The following PLXDC2 variants were observed in gnomAD, a reference collection of about 807,000 sequenced individuals.
PLXDC2 encodes the protein plexin domain containing 2, also known as plexin domain-containing protein 2.
Under a neutral mutation model 68.9 loss-of-function variants are expected in PLXDC2, and 40 were observed. The observed-to-expected ratio is 0.58, with a 90% confidence interval of 0.45 to 0.76. PLXDC2 has a LOEUF of 0.76. PLXDC2 is among the 30% of genes least tolerant of loss of function. PLXDC2 has a pLI of 0.00. For synonymous variants in PLXDC2, 243 were observed against 234.2 expected, an observed-to-expected ratio of 1.04 and a Z score of -0.34; for missense variants, 644 against 661.9, an observed-to-expected ratio of 0.97 and a Z score of 0.30.
At chr10:20,007,067 A>C (rs1835038421) in intron 2 of PLXDC2, among the ~76,000 whole-genome samples, 2 of 152,212 alleles carry the variant, frequency 1.3e-5, no homozygotes. Flanking sequence ...TATTTTGGGA[A>C]TATAAAGGCT....
chr10:20,064,321 T>C (rs1836158719), intron 3 of PLXDC2, among the ~76,000 whole-genome samples: 1 of 151,562 alleles, frequency 6.6e-6, no homozygotes, highest in South Asian at 2.1e-4. Flanking sequence ...CCCGGGTTCA[T>C]GCCATTCTCC....
intron 4 of PLXDC2, among the ~76,000 whole-genome samples, chr10:20,085,626 A>G (rs1388605600): frequency 1.3e-5 from 2 of 152,174 alleles, no homozygotes; most frequent in African/African-American, 4.8e-5. Flanking sequence ...TTGGGGAGAC[A>G]TGGGAAAGTG....
rs75509336 is a variant in PLXDC2 at position 20,251,551 on chromosome 10, A to G, written c.1473+6046A>G. ...TAATATATTTTATTGTTTCATGAAC[A>G]TAGGTCACGGAGATAAATGTTTACA... On this transcript the variant is annotated intron_variant, in intron 13 of 13. Transcript: ENST00000377252. Among the ~76,000 whole-genome samples the G allele has an allele frequency of 9.3e-3, 1,423 of 152,262 alleles. 19 individuals are homozygous for G. The highest frequency in any genetic ancestry group is 0.032 in the African/African-American group (1,327 of 41,570).
Position 20,198,419 on chromosome 10 carries a change from T to C in PLXDC2, c.1062-13250T>C, listed in dbSNP as rs115754359. On this transcript the variant is annotated intron_variant, in intron 9 of 13. Transcript: ENST00000377252. The stretch of plus-strand genomic sequence containing the variant: ...TCTATGACTATAGATATAAATTTTG[T>C]ATATACTAATCCCAATGTTTTATTT... 8.6e-3 allele frequency among the ~76,000 whole-genome samples: 1,312 copies of C among 152,304 alleles called. 18 individuals carry two copies. Among genetic ancestry groups the C allele is most frequent in the African/African-American group, 0.029 (1,213 of 41,568 alleles).
intron 4 of PLXDC2, among the ~76,000 whole-genome samples, chr10:20,098,381 G>GTGTGTGTGTGTGTA (rs953255294): frequency 5.3e-5 from 8 of 151,660 alleles, no homozygotes; most frequent in Middle Eastern, 3.4e-3. Context: ...GTGTGTGTGT[G>GTGTGTGTGTGTGTA]TGTATGTATG....
chr10:19,915,848 G>C (rs1238055832), intron 1 of PLXDC2, among the ~76,000 whole-genome samples: 1 of 145,746 alleles, frequency 6.9e-6, no homozygotes, highest in African/African-American at 2.6e-5. Flanking sequence ...ATTTATTCAT[G>C]TTAAACCAAA....
chr10:20,217,597 T>A (rs12783810), intron 11 of PLXDC2, 21 bp downstream of exon 11: 1 of 85,234 alleles, frequency 1.2e-5, no homozygotes, highest in Non-Finnish European at 1.5e-5. Flanking sequence ...GATAGTTTGC[T>A]TTTTTTTTTT....
At chr10:20,140,030 G>A (rs1458385290) in intron 4 of PLXDC2, among the ~76,000 whole-genome samples, 1 of 152,158 alleles carries the variant, frequency 6.6e-6, no homozygotes, top group African/African-American at 2.4e-5. Flanking sequence ...GCCAGGCGTG[G>A]TGGCACACGC....
At chr10:20,172,984 A>G (rs1003557263) in intron 7 of PLXDC2, among the ~76,000 whole-genome samples, 1 of 152,196 alleles carries the variant, frequency 6.6e-6, no homozygotes, top group African/African-American at 2.4e-5. Context: ...TGCATTTTTT[A>G]TTTGTAGCTA....
chr10:19,856,159 T>A (rs1204238006), intron 1 of PLXDC2, among the ~76,000 whole-genome samples: 1 of 152,146 alleles, frequency 6.6e-6, no homozygotes, highest in African/African-American at 2.4e-5. Context: ...ATGTCAGATT[T>A]TATAAATCAG....
At chr10:20,182,249 C>T (rs1198584138) in intron 9 of PLXDC2, among the ~76,000 whole-genome samples, 1 of 151,938 alleles carries the variant, frequency 6.6e-6, no homozygotes, top group Admixed American at 6.6e-5. Flanking sequence ...CGAATTCCTC[C>T]TCACCTGGTA....
At chr10:20,278,387 C>T (rs1285590011) in intron 13 of PLXDC2, among the ~76,000 whole-genome samples, 3 of 152,150 alleles carry the variant, frequency 2.0e-5, no homozygotes, top group African/African-American at 7.2e-5. Flanking sequence ...GTGGTACCCA[C>T]CTCCCTAGAG....
intron 4 of PLXDC2, among the ~76,000 whole-genome samples, chr10:20,118,677 A>C (rs930123175): frequency 5.3e-5 from 8 of 152,198 alleles, no homozygotes; most frequent in Non-Finnish European, 1.2e-4. Context: ...AATTTTAAGG[A>C]AATTACAGAA....
At chr10:20,047,362 T>TA (rs1835815162) in intron 3 of PLXDC2, among the ~76,000 whole-genome samples, 1 of 152,134 alleles carries the variant, frequency 6.6e-6, no homozygotes, top group Non-Finnish European at 1.5e-5. Context: ...TTTTAAAAAT[T>TA]ACTTGAATTT....
chr10:19,827,062 A>G (rs1027130391), intron 1 of PLXDC2, among the ~76,000 whole-genome samples: 1 of 152,196 alleles, frequency 6.6e-6, no homozygotes, highest in Non-Finnish European at 1.5e-5. Flanking sequence ...GGGTAGGAAC[A>G]TCCTTGCAAA....
chr10:20,016,505 G>A (rs571400154), intron 2 of PLXDC2, among the ~76,000 whole-genome samples: 1 of 152,250 alleles, frequency 6.6e-6, no homozygotes, highest in Non-Finnish European at 1.5e-5. Context: ...CAGTAGATTT[G>A]TTTTCGCACT....
chr10:20,143,552 ATAT>A (rs1429206517), intron 5 of PLXDC2, 135 bp downstream of exon 5: 47 of 1,032,370 alleles, frequency 4.6e-5, no homozygotes, highest in Middle Eastern at 6.4e-4. Context: ...GAGAGGACAA[ATAT>A]TATACTGCTA....
At chr10:20,254,109 C>CATAG (rs1835713028) in intron 13 of PLXDC2, among the ~76,000 whole-genome samples, 1 of 152,286 alleles carries the variant, frequency 6.6e-6, no homozygotes, top group East Asian at 1.9e-4. Context: ...TGAGAAGCTA[C>CATAG]ACAGCATCAT....
At chr10:20,057,237 A>G (rs909743298) in intron 3 of PLXDC2, among the ~76,000 whole-genome samples, 1 of 151,986 alleles carries the variant, frequency 6.6e-6, no homozygotes, top group Non-Finnish European at 1.5e-5. Flanking sequence ...CAAACTGTAA[A>G]TGGAATATAA....
Sources: gnomAD v4.1 joint callset for allele counts (sites outside exome capture counted in the v4.1 genomes callset) on GRCh38, gnomAD v4.1.1 for gene constraint, MANE v1.5 for transcripts, NCBI Gene and HGNC (gene_info 2026-07-23, HGNC 2026-07-21) for gene names.